The following TUBA4A variants were observed in gnomAD, a reference collection of about 807,000 sequenced individuals.
TUBA4A encodes the protein tubulin alpha 4a.
TUBA4A carries 23 observed loss-of-function variants against 34.3 expected under a neutral mutation model. The ratio of observed to expected loss-of-function variants is 0.67; its 90% CI spans 0.48 to 0.95. The LOEUF (loss-of-function observed/expected upper bound fraction) is 0.95. Among genes scored for constraint, TUBA4A ranks in the 40% least tolerant of loss-of-function variants. TUBA4A has a pLI of 0.00. For missense variants in TUBA4A, 279 were observed against 599.0 expected (o/e 0.47, Z 5.58); for synonymous variants, 216 against 230.5 (o/e 0.94, Z 0.57).
Position 219,252,440 on chromosome 2 carries a change from GC to G in TUBA4A, c.4-211del, listed in dbSNP as rs988539929. Among the ~76,000 whole-genome samples the G allele has an allele frequency of 7.9e-5, 12 of 152,094 alleles. No homozygotes were observed. Among genetic ancestry groups the G allele is most frequent in the African/African-American group, 2.9e-4 (12 of 41,392 alleles). On this transcript the variant is annotated intron_variant, in intron 1 of 3. Transcript: ENST00000248437. This position sits in a 1 kb window ranked among gnomAD's most constrained non-coding sequence, Gnocchi z 4.1. ...CACCTGGAGGCACCCAGCAATGCAG[GC>G]CAACCTCTTAGCCCACTTCTCAGTG...
Position 219,251,232 on chromosome 2 carries a change from C to T in TUBA4A, c.467G>A (p.Arg156Gln), listed in dbSNP as rs752457075. The part of the protein sequence containing the change: ...GSGFTSLLME[R>Q]LSVDYGKKSK... ...TTTCTTGCCATAGTCAACAGAGAGC[C>T]GCTCCATCAGGAGTGAGGTGAAGCC... The change falls in exon 4 of 4, where the codon CGG (arginine) becomes CAG (glutamine). Residue 156 changes from arginine to glutamine, a missense_variant. Physicochemically the swap from Arg to Gln is conservative, Grantham distance 43. Coordinates refer to ENST00000248437, the MANE Select transcript of TUBA4A (RefSeq NM_006000.3). The surrounding 1 kb of genome is among the most constrained non-coding windows in gnomAD (Gnocchi z 6.1). 11 of 1,613,916 alleles carry T rather than the reference C, an allele frequency of 6.8e-6. No homozygotes were observed. The highest frequency in any genetic ancestry group is 1.1e-5 in the South Asian group (1 of 91,078).
chr2:219,253,296 A>G, intron 1 of TUBA4A: 1 of 1,511,300 alleles, frequency 6.6e-7, no homozygotes, highest in Admixed American at 2.0e-5. Flanking sequence ...AGCTCGCTTC[A>G]GGAGGCCGAA....
Position 219,252,271 on chromosome 2 carries a change from C to T in TUBA4A, c.4-41G>A. The stretch of plus-strand genomic sequence containing the variant: ...AGGGGACACAGCATGAGCCCCACAT[C>T]CACAAGTCCTCACCTTGCGAGTCTC... On this transcript the variant is annotated intron_variant, in intron 1 of 3. Transcript: ENST00000248437. The surrounding 1 kb of genome is among the most constrained non-coding windows in gnomAD (Gnocchi z 4.1). 6.4e-7 allele frequency: 1 copy of T among 1,566,622 alleles called. No homozygotes were observed. Among genetic ancestry groups the T allele is most frequent in the Non-Finnish European group, 8.8e-7 (1 of 1,139,682 alleles).
chr2:219,253,359 G>GGT (rs757244673), intron 1 of TUBA4A: 5 of 1,531,968 alleles, frequency 3.3e-6, no homozygotes, highest in South Asian at 1.2e-5. Flanking sequence ...AGTCACGGGG[G>GGT]GGGGGTGGTT....
Position 219,251,927 on chromosome 2 carries a change from T to C in TUBA4A, c.226+81A>G, listed in dbSNP as rs1183985674. On this transcript the variant is annotated intron_variant, in intron 2 of 3. Coordinates refer to ENST00000248437, the MANE Select transcript of TUBA4A (RefSeq NM_006000.3). This position sits in a 1 kb window ranked among gnomAD's most constrained non-coding sequence, Gnocchi z 6.1. ...AGGAATTTTCAGGGCTAGGAATGCCTGGTCTAAATACCCTCTCTCTCCAGG... is the reference window on the plus strand; with the variant it reads ...AGGAATTTTCAGGGCTAGGAATGCCCGGTCTAAATACCCTCTCTCTCCAGG... 27 of 1,475,274 alleles carry C rather than the reference T, an allele frequency of 1.8e-5. No individual in the cohort carries two copies. Among genetic ancestry groups the C allele is most frequent in the Non-Finnish European group, 1.5e-5 (16 of 1,069,870 alleles). 91.4% of individuals were successfully genotyped at this position (1,475,274 alleles called of 1,614,324 possible). A position where few individuals can be genotyped will look rare whatever the true frequency, so the allele number is the denominator to read the frequency against.
At position 219,253,412 on chromosome 2, in the gene TUBA4A, G is replaced by A. The variant is rs527267000; in HGVS notation, c.3+444C>T. The A allele has an allele frequency of 3.5e-5, 54 of 1,527,068 alleles. 1 individual carries two copies. The South Asian group carries it at 3.8e-4, about 11-fold the overall frequency. The allele number at this position is 1,527,068 out of a possible 1,614,324, so 94.6% of individuals were successfully genotyped here. A position where few individuals can be genotyped will look rare whatever the true frequency, so the allele number is the denominator to read the frequency against. ...GCATACACAGAGGAAAGGGGGATGC[G>A]GCACCAGGTAACCTGACCCCTTCCA... On this transcript the variant is annotated intron_variant, in intron 1 of 3. Transcript: ENST00000248437.
Position 219,253,165 on chromosome 2 carries a change from A to G in TUBA4A, c.3+691T>C, listed in dbSNP as rs1951676025. 9 of 1,518,932 alleles carry G rather than the reference A, an allele frequency of 5.9e-6. No homozygotes were observed. The East Asian group carries it at 1.8e-4, about 30-fold the overall frequency. 94.1% of individuals were successfully genotyped at this position (1,518,932 alleles called of 1,614,324 possible). A position where few individuals can be genotyped will look rare whatever the true frequency, so the allele number is the denominator to read the frequency against. On this transcript the variant is annotated intron_variant, in intron 1 of 3. Transcript: ENST00000248437. ...GGGTTTCGGCCCCCGCTCCTGGGCTATAAATACCACCCCCTACATGCACCT... is the reference window on the plus strand; with the variant it reads ...GGGTTTCGGCCCCCGCTCCTGGGCTGTAAATACCACCCCCTACATGCACCT...
chr2:219,251,841 C>G lies in TUBA4A; in HGVS notation c.227-128G>C. On this transcript the variant is annotated intron_variant, in intron 2 of 3. Coordinates refer to ENST00000248437, the MANE Select transcript of TUBA4A (RefSeq NM_006000.3). The surrounding 1 kb of genome is among the most constrained non-coding windows in gnomAD (Gnocchi z 6.1). ...TGAGATACCAGAGTGTGAGAGAAAC[C>G]CAGACCAGCTGCCCAGGCCAGTCTC... 7.1e-7 allele frequency: 1 copy of G among 1,399,624 alleles called. No homozygotes were observed. The highest frequency in any genetic ancestry group is 9.7e-7 in the Non-Finnish European group (1 of 1,032,238). The allele number at this position is 1,399,624 out of a possible 1,614,324, so 86.7% of individuals were successfully genotyped here. A position where few individuals can be genotyped will look rare whatever the true frequency, so the allele number is the denominator to read the frequency against.
chr2:219,251,564 C>T lies in TUBA4A; in HGVS notation c.375+1G>A, dbSNP rs752398509. The T allele has an allele frequency of 6.2e-7, 1 of 1,612,864 alleles. No individual in the cohort carries two copies. Among genetic ancestry groups the T allele is most frequent in the African/African-American group, 1.3e-5 (1 of 75,018 alleles). On this transcript the variant is annotated splice_donor_variant, in intron 3 of 3. Transcript: ENST00000248437. LOFTEE classifies it high-confidence loss of function. The surrounding 1 kb of genome is among the most constrained non-coding windows in gnomAD (Gnocchi z 6.1). ...CCCTCCCTCCCAAGACACACTCTCA[C>T]CAGCTTGCGGATCCGATCCAGCACT...
chr2:219,253,944 T>A, upstream of TUBA4A: 4 of 987,518 alleles, frequency 4.1e-6, no homozygotes, highest in Non-Finnish European at 5.4e-6. Context: ...GCACCGCCCT[T>A]ATAGGCGGGG....
At chr2:219,254,124 C>A (rs1316916071), upstream of TUBA4A, 3 of 397,552 alleles carry the variant, frequency 7.5e-6, no homozygotes, top group Admixed American at 4.3e-5. Context: ...AGTCGCGATT[C>A]GGGCTTTAAC....
At position 219,250,226 on chromosome 2, in the gene TUBA4A, C is replaced by T; in HGVS notation, c.*126G>A. On this transcript the variant is annotated 3_prime_UTR_variant, in exon 4 of 4. Transcript: ENST00000248437. This position sits in a 1 kb window ranked among gnomAD's most constrained non-coding sequence, Gnocchi z 8.4. ...GGGTCATGAACAGCAAACAGAGCAG[C>T]AGCAGCATGAAGGGGAAGGCAGCAG... 2.2e-6 allele frequency: 3 copies of T among 1,352,066 alleles called. No individual in the cohort carries two copies. Among genetic ancestry groups the T allele is most frequent in the Non-Finnish European group, 1.0e-6 (1 of 982,412 alleles). The allele number at this position is 1,352,066 out of a possible 1,614,324, so 83.8% of individuals were successfully genotyped here.
chr2:219,253,710 G>A (rs1951687479), intron 1 of TUBA4A, 146 bp downstream of exon 1: 1 of 1,005,568 alleles, frequency 9.9e-7, no homozygotes, highest in Non-Finnish European at 1.5e-6. Flanking sequence ...ACCAGGAGGG[G>A]GTTGGGGAGG....
At position 219,252,284 on chromosome 2, in the gene TUBA4A, C is replaced by T; in HGVS notation, c.4-54G>A. On this transcript the variant is annotated intron_variant, in intron 1 of 3. Transcript: ENST00000248437. This position sits in a 1 kb window ranked among gnomAD's most constrained non-coding sequence, Gnocchi z 4.1. ...TGAGCCCCACATCCACAAGTCCTCA[C>T]CTTGCGAGTCTCTCTTCCACCCTAT... The T allele has an allele frequency of 2.0e-6, 3 of 1,506,718 alleles. No individual in the cohort carries two copies. Among genetic ancestry groups the T allele is most frequent in the Non-Finnish European group, 2.8e-6 (3 of 1,090,542 alleles). The allele number at this position is 1,506,718 out of a possible 1,614,324, so 93.3% of individuals were successfully genotyped here.
chr2:219,253,777 G>A (rs905974436), intron 1 of TUBA4A, 79 bp downstream of exon 1: 4 of 1,505,830 alleles, frequency 2.7e-6, no homozygotes, highest in African/African-American at 2.8e-5. Flanking sequence ...GGAGGTCCCC[G>A]AGCATGCCTG....
In TUBA4A at chr2:219,250,589, C is replaced by G. The variant is rs1156350101; in HGVS notation, c.1110G>C (p.Lys370Asn). Residue 370 changes from lysine to asparagine, a missense_variant, in exon 4 of 4, where the codon AAG becomes AAC. Physicochemically the swap from Lys to Asn is moderately conservative, Grantham distance 94. Around this residue, in one of 3 missense-constraint regions of TUBA4A, gnomAD observed 73 missense variants for 128.0 expected, o/e 0.57. Transcript: ENST00000248437. This position sits in a 1 kb window ranked among gnomAD's most constrained non-coding sequence, Gnocchi z 8.4. ...TCAGCATGCACACGGCACGCTGCAC[C>G]TTGGCCAGGTCACCCCCAGGCACCA... The part of the protein sequence containing the change: ...PTVVPGGDLA[K>N]VQRAVCMLSN... The G allele has an allele frequency of 1.2e-6, 2 of 1,614,140 alleles. No homozygotes were observed. The highest frequency in any genetic ancestry group is 1.3e-5 in the African/African-American group (1 of 74,946).
At position 219,251,766 on chromosome 2, in the gene TUBA4A, G is replaced by A; in HGVS notation, c.227-53C>T. On this transcript the variant is annotated intron_variant, in intron 2 of 3. Coordinates refer to ENST00000248437, the MANE Select transcript of TUBA4A (RefSeq NM_006000.3). This position sits in a 1 kb window ranked among gnomAD's most constrained non-coding sequence, Gnocchi z 6.1. ...GCTCAGCAGGGACCTTCCTCCCCCA[G>A]GGTGGTAGCTGTGGCCAGATGCATG... 1.3e-6 allele frequency: 2 copies of A among 1,577,998 alleles called. No homozygotes were observed. Among genetic ancestry groups the A allele is most frequent in the Non-Finnish European group, 1.7e-6 (2 of 1,159,250 alleles).
intron 1 of TUBA4A, chr2:219,253,205 C>A (rs777145784): frequency 2.0e-6 from 3 of 1,497,182 alleles, no homozygotes; most frequent in East Asian, 5.0e-5. Context: ...CCCCTCCCCC[C>A]AACCTGGCCT....
Position 219,250,313 on chromosome 2 carries a change from T to C in TUBA4A, c.*39A>G. 6.4e-7 allele frequency: 1 copy of C among 1,561,294 alleles called. No individual in the cohort carries two copies. Among genetic ancestry groups the C allele is most frequent in the Non-Finnish European group, 8.7e-7 (1 of 1,152,474 alleles). On this transcript the variant is annotated 3_prime_UTR_variant, in exon 4 of 4. Transcript: ENST00000248437. The surrounding 1 kb of genome is among the most constrained non-coding windows in gnomAD (Gnocchi z 8.4). Reference sequence around the variant, plus strand: ...AGGAAACTGTTTATTTCGAAAGGATTTTGCAATAAACATAGTGAATAGGCT... The same window carrying C: ...AGGAAACTGTTTATTTCGAAAGGATCTTGCAATAAACATAGTGAATAGGCT...
Sources: allele counts gnomAD v4.1 joint callset (sites outside exome capture counted in the v4.1 genomes callset), GRCh38; gene constraint gnomAD v4.1.1; regional missense constraint gnomAD v4.1.1; non-coding constraint Gnocchi (gnomAD v3.1); transcripts MANE v1.5; gene names NCBI Gene and HGNC (gene_info 2026-07-23, HGNC 2026-07-21).